The following USP34 variants were observed in gnomAD, a reference collection of about 807,000 sequenced individuals.
The protein encoded by USP34 is ubiquitin carboxyl-terminal hydrolase 34.
Under a neutral mutation model 460.3 loss-of-function variants are expected in USP34, and 70 were observed. The observed-to-expected ratio is 0.15, with a 90% CI of 0.13 to 0.19. The LOEUF (loss-of-function observed/expected upper bound fraction) is 0.19, where lower values mean the gene tolerates loss of function less well. Ranked by LOEUF, USP34 falls within the 10% of genes least tolerant of loss-of-function variation. The pLI is 1.00. For missense variants in USP34, 3,985 were observed against 4,236.2 expected (o/e 0.94, Z 1.65); for synonymous variants, 1,647 against 1,405.3 (o/e 1.17, Z -3.85).
At chr2:61,204,124 C>T in intron 74 of USP34, 132 bp downstream of exon 74, 1 of 1,243,380 alleles carries the variant, frequency 8.0e-7, no homozygotes, top group South Asian at 1.5e-5. Flanking sequence ...AGGAAAAAGT[C>T]CAAATGAATC....
intron 1 of USP34, among the ~76,000 whole-genome samples, chr2:61,460,683 G>T (rs534065484): frequency 4.6e-5 from 7 of 151,920 alleles, no homozygotes; most frequent in African/African-American, 7.3e-5. Context: ...ATAGAATTTC[G>T]ATTCATAAAA....
intron 5 of USP34, among the ~76,000 whole-genome samples, chr2:61,390,567 G>A (rs572522314): frequency 2.0e-5 from 3 of 152,232 alleles, no homozygotes; most frequent in Non-Finnish European, 2.9e-5. Flanking sequence ...AATAATATTT[G>A]TGCAAACTGA....
intron 8 of USP34, among the ~76,000 whole-genome samples, chr2:61,372,280 T>G (rs1692651220): frequency 1.3e-5 from 2 of 152,076 alleles, no homozygotes; most frequent in Admixed American, 6.5e-5. Context: ...GGTAAAACAT[T>G]AAAAATAAAA....
intron 79 of USP34, 33 bp downstream of exon 79, chr2:61,188,877 C>T: frequency 6.2e-7 from 1 of 1,611,918 alleles, no homozygotes; most frequent in Non-Finnish European, 8.5e-7. Flanking sequence ...TCCTCCCACC[C>T]TAAAGGTAAT....
At position 61,300,971 on chromosome 2, in the gene USP34, C is replaced by T. The variant is rs772860595; in HGVS notation, c.4108G>A (p.Val1370Met). 5 of 1,612,322 alleles carry T rather than the reference C, an allele frequency of 3.1e-6. No individual in the cohort carries two copies. Among genetic ancestry groups the T allele is most frequent in the Middle Eastern group, 1.7e-4 (1 of 6,028 alleles). ...LASFKPPSGK[V>M]AVDDSESLRC... ...GTCACCTCACTATCATCCACTGCCA[C>T]TTTTCCTGAGGGTGGTTTAAATGAT... The change falls in exon 29 of 80, where the codon GTG (valine) becomes ATG (methionine). Residue 1370 changes from valine to methionine, a missense_variant. Transcript: ENST00000398571.
chr2:61,379,029 T>C (rs942501361), intron 7 of USP34, among the ~76,000 whole-genome samples: 1 of 150,358 alleles, frequency 6.7e-6, no homozygotes, highest in Non-Finnish European at 1.5e-5. Flanking sequence ...CACAACAATT[T>C]AACGCAAGAG....
intron 1 of USP34, among the ~76,000 whole-genome samples, chr2:61,468,604 C>CAA (rs1695855749): frequency 1.3e-5 from 2 of 152,172 alleles, no homozygotes; most frequent in Non-Finnish European, 2.9e-5. Flanking sequence ...GGCTTACACA[C>CAA]AAATAGAAAA....
chr2:61,230,320 G>A (rs1207051517), intron 58 of USP34, among the ~76,000 whole-genome samples: 1 of 152,112 alleles, frequency 6.6e-6, no homozygotes, highest in Non-Finnish European at 1.5e-5. Context: ...GAGGTCAGGA[G>A]TTCGAGACCA....
chr2:61,426,580 C>T (rs1373359825), intron 1 of USP34, among the ~76,000 whole-genome samples: 1 of 152,176 alleles, frequency 6.6e-6, no homozygotes, highest in Non-Finnish European at 1.5e-5. Flanking sequence ...AAGTATTGCT[C>T]TAGTATCTTA....
intron 44 of USP34, 73 bp downstream of exon 44, chr2:61,259,638 G>A: frequency 7.1e-7 from 1 of 1,407,728 alleles, no homozygotes; most frequent in Non-Finnish European, 9.9e-7. Context: ...CACCCACCTT[G>A]GCCTCCCAAA....
chr2:61,324,211 C>G (rs1691014955), intron 21 of USP34, among the ~76,000 whole-genome samples: 1 of 152,212 alleles, frequency 6.6e-6, no homozygotes, highest in Non-Finnish European at 1.5e-5. Context: ...TAACAGAAAT[C>G]AAGCTCGTTC....
At chr2:61,291,468 G>A (rs955418299) in intron 33 of USP34, among the ~76,000 whole-genome samples, 7 of 152,128 alleles carry the variant, frequency 4.6e-5, no homozygotes, top group African/African-American at 1.7e-4. Context: ...CAACATTATT[G>A]ATAATAGCCC....
At chr2:61,468,700 A>G (rs1573077435) in intron 1 of USP34, among the ~76,000 whole-genome samples, 1 of 152,196 alleles carries the variant, frequency 6.6e-6, no homozygotes, top group Admixed American at 6.6e-5. Flanking sequence ...GTATTTGCTT[A>G]AAGGTAATAA....
chr2:61,252,339 C>T (rs1572873183), intron 48 of USP34, among the ~76,000 whole-genome samples: 1 of 152,148 alleles, frequency 6.6e-6, no homozygotes, highest in Admixed American at 6.6e-5. Flanking sequence ...GAAACACTGC[C>T]TGGCAAACAG....
At chr2:61,395,546 C>A (rs955439323) in intron 3 of USP34, among the ~76,000 whole-genome samples, 2 of 151,774 alleles carry the variant, frequency 1.3e-5, no homozygotes, top group Admixed American at 6.6e-5. Flanking sequence ...CGCCTGTAAT[C>A]CCAGCACTTT....
chr2:61,241,474 G>A, intron 53 of USP34, 86 bp downstream of exon 53: 1 of 935,962 alleles, frequency 1.1e-6, no homozygotes. Context: ...ATATCAACCT[G>A]TAGAACCTGT....
In USP34 at chr2:61,350,319, G is replaced by T; in HGVS notation, c.1448C>A (p.Ser483Tyr). The change falls in exon 12 of 80, where the codon TCT (serine) becomes TAT (tyrosine). Residue 483 changes from serine (S) to tyrosine (Y), a missense_variant. Transcript: ENST00000398571. ...NNALAAKAQL[S>Y]KQSSFASLLN... ...TAAAGATGCAAAAGAACTCTGTTTA[G>T]ATAACTGAGCCTTAGCTGCTAGTGC... 1.2e-6 allele frequency: 2 copies of T among 1,613,442 alleles called. No homozygotes were observed. The highest frequency in any genetic ancestry group is 1.7e-6 in the Non-Finnish European group (2 of 1,179,622).
chr2:61,211,483 A>C (rs192722013), intron 69 of USP34, among the ~76,000 whole-genome samples: 1 of 152,322 alleles, frequency 6.6e-6, no homozygotes, highest in African/African-American at 2.4e-5. Context: ...CTAGAACTGA[A>C]CTATCAAGCC....
chr2:61,361,584 G>A (rs180847830), intron 10 of USP34, among the ~76,000 whole-genome samples: 151 of 152,088 alleles, frequency 9.9e-4, no homozygotes, highest in Non-Finnish European at 1.6e-3. Flanking sequence ...TCAACAAAAG[G>A]TGATGGGAAA....
Sources: allele counts gnomAD v4.1 joint callset (sites outside exome capture counted in the v4.1 genomes callset), GRCh38; gene constraint gnomAD v4.1.1; transcripts MANE v1.5; gene names NCBI Gene and HGNC (gene_info 2026-07-23, HGNC 2026-07-21).